CRY1: variants seen among roughly 807,000 people sequenced by gnomAD.
CRY1 encodes the protein cryptochrome circadian regulator 1, also known as cryptochrome-1.
Under a neutral mutation model 76.0 loss-of-function variants are expected in CRY1, and 45 were observed. The observed-to-expected ratio is 0.59, with a 90% CI of 0.47 to 0.76. CRY1 has a LOEUF of 0.76. Among genes scored for constraint, CRY1 ranks in the 30% least tolerant of loss-of-function variants. The pLI is 0.00. For missense variants in CRY1, 587 were observed against 716.4 expected (o/e 0.82, Z 2.06); for synonymous variants, 248 against 244.0 (o/e 1.02, Z -0.15).
At chr12:107,013,253 C>T (rs1952464219) in intron 2 of CRY1, among the ~76,000 whole-genome samples, 1 of 152,170 alleles carries the variant, frequency 6.6e-6, no homozygotes, top group African/African-American at 2.4e-5. Flanking sequence ...GCCACCACAA[C>T]CATCAGCAAC....
In CRY1 at chr12:107,022,190, A is replaced by T; in HGVS notation, c.161T>A (p.Phe54Tyr). Residue 54 changes from phenylalanine to tyrosine, a missense_variant and splice_region_variant, in exon 2 of 13, where the codon TTT (phenylalanine) becomes TAT (tyrosine). Phe to Tyr is a conservative substitution (Grantham distance 22). Coordinates refer to ENST00000008527, the MANE Select transcript of CRY1 (RefSeq NM_004075.5). ...AAGATCCTCAAGACACTGAAGCAAAAATCTAGAGAGAAGAAAGTATTATTT... is the reference window on the plus strand; with the variant it reads ...AAGATCCTCAAGACACTGAAGCAAATATCTAGAGAGAAGAAAGTATTATTT... ...SSNVGINRWR[F>Y]LLQCLEDLDA... The T allele has an allele frequency of 6.5e-7, 1 of 1,535,676 alleles. No individual in the cohort carries two copies. The highest frequency in any genetic ancestry group is 8.9e-7 in the Non-Finnish European group (1 of 1,127,478).
chr12:107,052,190 GTGTAAA>G (rs1952931184), intron 1 of CRY1, among the ~76,000 whole-genome samples: 1 of 75,706 alleles, frequency 1.3e-5, no homozygotes, highest in East Asian at 6.0e-4. Flanking sequence ...TCTATACCCA[GTGTAAA>G]TAAGGATGGT....
At chr12:107,064,011 G>T (rs1166524092) in intron 1 of CRY1, among the ~76,000 whole-genome samples, 2 of 152,070 alleles carry the variant, frequency 1.3e-5, no homozygotes, top group Non-Finnish European at 2.9e-5. Context: ...GATAGATCTG[G>T]GGTAGAAACT....
intron 1 of CRY1, among the ~76,000 whole-genome samples, chr12:107,063,320 A>T (rs893054144): frequency 6.6e-6 from 1 of 152,180 alleles, no homozygotes; most frequent in African/African-American, 2.4e-5. Context: ...TTAAGAAATA[A>T]ATTTGGTTTT....
chr12:107,033,778 A>G (rs1359179182), intron 1 of CRY1, among the ~76,000 whole-genome samples: 1 of 151,236 alleles, frequency 6.6e-6, no homozygotes, highest in Non-Finnish European at 1.5e-5. Flanking sequence ...CAGCATATGT[A>G]ATAGTGAAAT....
intron 2 of CRY1, among the ~76,000 whole-genome samples, chr12:107,013,081 G>A (rs1189860913): frequency 2.0e-5 from 3 of 152,348 alleles, no homozygotes; most frequent in African/African-American, 7.2e-5. Flanking sequence ...AAATTTAGTT[G>A]ATGAAGCAGT....
At chr12:107,092,004 C>T (rs546608781) in intron 1 of CRY1, among the ~76,000 whole-genome samples, 1 of 152,312 alleles carries the variant, frequency 6.6e-6, no homozygotes, top group African/African-American at 2.4e-5. Flanking sequence ...ACATATTTTA[C>T]TTTCTGCTTG....
At chr12:107,083,164 C>T (rs762459270) in intron 1 of CRY1, among the ~76,000 whole-genome samples, 4 of 152,050 alleles carry the variant, frequency 2.6e-5, no homozygotes, top group African/African-American at 4.8e-5. Context: ...TCCCTGAATA[C>T]ACCAATAACA....
chr12:107,009,555 C>CA (rs201692464), intron 2 of CRY1, among the ~76,000 whole-genome samples: 6 of 32,152 alleles, frequency 1.9e-4, no homozygotes, highest in Admixed American at 4.4e-4. Flanking sequence ...AACAAAAAAA[C>CA]AAAAAAACAT....
At position 107,022,315 on chromosome 12, in the gene CRY1, GATAT is replaced by G. The variant is rs1335923434; in HGVS notation, c.159-127_159-124del. On this transcript the variant is annotated intron_variant, in intron 1 of 12. Coordinates refer to ENST00000008527, the MANE Select transcript of CRY1 (RefSeq NM_004075.5). ...ACCTATCATCTTATTACCTCCTATT[GATAT>G]ATACTTTTTCCAAAAACCATACTAA... The G allele has an allele frequency of 1.4e-5, 6 of 428,206 alleles. No homozygotes were observed. The Admixed American group carries it at 1.7e-4, about 12-fold the overall frequency. 26.5% of individuals were successfully genotyped at this position (428,206 alleles called of 1,614,324 possible). A position where few individuals can be genotyped will look rare whatever the true frequency, so the allele number is the denominator to read the frequency against.
chr12:107,051,350 T>G (rs1047679668), intron 1 of CRY1, among the ~76,000 whole-genome samples: 3 of 152,174 alleles, frequency 2.0e-5, no homozygotes, highest in African/African-American at 7.2e-5. Context: ...TGCTTTTATG[T>G]CCTTTTTATG....
At chr12:107,060,077 T>C (rs1470726655) in intron 1 of CRY1, among the ~76,000 whole-genome samples, 2 of 152,236 alleles carry the variant, frequency 1.3e-5, no homozygotes, top group Admixed American at 6.5e-5. Flanking sequence ...ATTGATATTA[T>C]ATGCGTTGAT....
rs758508061 is a variant in CRY1 at position 106,992,995 on chromosome 12, C to T, written c.1627G>A (p.Asp543Asn). The T allele has an allele frequency of 6.8e-6, 11 of 1,613,860 alleles. No homozygotes were observed. Among genetic ancestry groups the T allele is most frequent in the South Asian group, 6.6e-5 (6 of 91,058 alleles). The change falls in exon 11 of 13, where the codon GAC (aspartate) becomes AAC (asparagine). Residue 543 changes from aspartate to asparagine, a missense_variant. Asp to Asn is a conservative substitution (Grantham distance 23, BLOSUM62 1). Transcript: ENST00000008527. The part of the protein sequence containing the change: ...GSGILHYAHG[D>N]SQQTHLLKQG... ...TTCAACAGGTGAGTTTGCTGACTGT[C>T]GCCATGAGCATAGTGTAAAATACCA...
At chr12:107,006,636 A>ATTG (rs779827006) in intron 2 of CRY1, among the ~76,000 whole-genome samples, 2 of 76,528 alleles carry the variant, frequency 2.6e-5, no homozygotes, top group East Asian at 1.1e-3. Flanking sequence ...TGTATTAGTA[A>ATTG]TCTTTTTTTT....
chr12:107,020,665 C>T (rs1010398329), intron 2 of CRY1, among the ~76,000 whole-genome samples: 3 of 152,048 alleles, frequency 2.0e-5, no homozygotes, highest in Admixed American at 6.6e-5. Context: ...CTGAGGCCTT[C>T]CCAGAAGCCA....
At chr12:107,064,400 G>C (rs149344959) in intron 1 of CRY1, among the ~76,000 whole-genome samples, 3 of 152,094 alleles carry the variant, frequency 2.0e-5, no homozygotes, top group Admixed American at 6.5e-5. Flanking sequence ...ATGAGATGCC[G>C]CCACATACTT....
chr12:107,021,991 C>A, intron 2 of CRY1, 93 bp downstream of exon 2: 2 of 948,794 alleles, frequency 2.1e-6, no homozygotes, highest in Non-Finnish European at 3.2e-6. Flanking sequence ...TACTTATATT[C>A]GCTACATTTT....
At chr12:107,002,074 T>C (rs1952318692) in intron 3 of CRY1, 126 bp from the exon 4 acceptor site, 2 of 725,912 alleles carry the variant, frequency 2.8e-6, no homozygotes, top group South Asian at 2.2e-5. Flanking sequence ...GGGTGTTAGC[T>C]TGTTATAATG....
intron 2 of CRY1, among the ~76,000 whole-genome samples, chr12:107,021,552 C>A (rs1002328516): frequency 7.2e-5 from 11 of 151,992 alleles, no homozygotes; most frequent in African/African-American, 2.7e-4. Context: ...ATCTGAAAGA[C>A]CGAGGAAATG....
Sources: gnomAD v4.1 joint callset for allele counts (sites outside exome capture counted in the v4.1 genomes callset) on GRCh38, gnomAD v4.1.1 for gene constraint, MANE v1.5 for transcripts, NCBI Gene and HGNC (gene_info 2026-07-23, HGNC 2026-07-21) for gene names.